FLNB: variants seen among roughly 807,000 people sequenced by gnomAD.
FLNB encodes the protein filamin B, also known as filamin-B.
A neutral mutation model predicts 250.6 loss-of-function variants in FLNB; 111 were observed. The ratio of observed to expected loss-of-function variants is 0.44; its 90% CI spans 0.38 to 0.52. The LOEUF is 0.52. Ranked by LOEUF, FLNB falls within the 20% of genes least tolerant of loss-of-function variation. The pLI is 0.00. For missense variants in FLNB, 2,869 were observed against 3,447.8 expected (o/e 0.83, Z 4.20); for synonymous variants, 1,302 against 1,372.1 (o/e 0.95, Z 1.13).
chr3:58,010,395 G>C (rs1418892977), intron 1 of FLNB, among the ~76,000 whole-genome samples: 1 of 152,152 alleles, frequency 6.6e-6, no homozygotes, highest in Non-Finnish European at 1.5e-5. Flanking sequence ...AGGTAAGGCT[G>C]CTTCCTGCTT....
At chr3:58,131,899 C>G (rs1256789841) in intron 25 of FLNB, 1 of 1,469,236 alleles carries the variant, frequency 6.8e-7, no homozygotes, top group Non-Finnish European at 9.2e-7. Context: ...TTATGAAGGA[C>G]TCTCAAGTAA....
At chr3:58,089,181 C>G (rs1451966209) in intron 4 of FLNB, among the ~76,000 whole-genome samples, 4 of 151,910 alleles carry the variant, frequency 2.6e-5, no homozygotes, top group Non-Finnish European at 5.9e-5. Context: ...ACAGTTGATG[C>G]CAACACTGAG....
chr3:58,170,933 A>T lies in FLNB; in HGVS notation c.*171A>T, dbSNP rs998445770. Reference sequence around the variant, plus strand: ...AAGTCCTAGACTGGACTCTTGAGGGACATATTGGAGAATCTTAAGAAATGC... The same window carrying T: ...AAGTCCTAGACTGGACTCTTGAGGGTCATATTGGAGAATCTTAAGAAATGC... On this transcript the variant is annotated 3_prime_UTR_variant, in exon 46 of 46. Transcript: ENST00000295956. The T allele has an allele frequency of 1.1e-5, 7 of 637,952 alleles. No individual in the cohort carries two copies. The African/African-American group carries it at 1.3e-4, about 12-fold the overall frequency. The allele number at this position is 637,952 out of a possible 1,614,324, so 39.5% of individuals were successfully genotyped here. A position where few individuals can be genotyped will look rare whatever the true frequency, so the allele number is the denominator to read the frequency against.
At chr3:58,028,492 C>T (rs2097126455) in intron 1 of FLNB, among the ~76,000 whole-genome samples, 1 of 151,722 alleles carries the variant, frequency 6.6e-6, no homozygotes, top group Non-Finnish European at 1.5e-5. Flanking sequence ...TGCAGTGGCT[C>T]ATGCCTGTAA....
At chr3:58,145,724 A>C (rs530703616) in intron 32 of FLNB, among the ~76,000 whole-genome samples, 197 bp from the exon 33 acceptor site, 1 of 152,268 alleles carries the variant, frequency 6.6e-6, no homozygotes, top group Admixed American at 6.5e-5. Flanking sequence ...TTGAAGGAAT[A>C]ATACTGCGTA....
intron 25 of FLNB, chr3:58,132,497 T>C (rs1358357285): frequency 2.1e-6 from 1 of 471,820 alleles, no homozygotes; most frequent in Non-Finnish European, 3.9e-6. Context: ...TATTGTGTCT[T>C]CAACACACAT....
chr3:58,155,947 C>A lies in FLNB; in HGVS notation c.6773-13C>A, dbSNP rs200653965. ...AGAGTCTCTGAAATGATGGGACTTT[C>A]CTGTCCTCATAGGTAACTACGAGGT... On this transcript the variant is annotated splice_polypyrimidine_tract_variant and intron_variant, in intron 40 of 45. Transcript: ENST00000295956. 437 of 1,576,852 alleles carry A rather than the reference C, an allele frequency of 2.8e-4. 1 individual carries two copies. The African/African-American group carries it at 5.5e-3, about 20-fold the overall frequency.
intron 24 of FLNB, among the ~76,000 whole-genome samples, chr3:58,129,812 G>A (rs2097303730): frequency 6.6e-6 from 1 of 152,230 alleles, no homozygotes; most frequent in Admixed American, 6.5e-5. Context: ...GCCCCTTGGT[G>A]ATGGGCGTGG....
intron 1 of FLNB, among the ~76,000 whole-genome samples, chr3:58,018,315 T>C (rs973256717): frequency 6.7e-6 from 1 of 150,304 alleles, no homozygotes; most frequent in Non-Finnish European, 1.5e-5. Flanking sequence ...CTTTGAGCTA[T>C]GTATTCATTG....
intron 1 of FLNB, among the ~76,000 whole-genome samples, chr3:58,047,932 C>T (rs1156920360): frequency 1.3e-5 from 2 of 152,140 alleles, no homozygotes; most frequent in African/African-American, 2.4e-5. Context: ...CCCCCACATA[C>T]TCCAACAAGC....
chr3:58,077,426 C>T (rs935446925), intron 2 of FLNB, 132 bp downstream of exon 2: 2 of 1,194,446 alleles, frequency 1.7e-6, no homozygotes, highest in Non-Finnish European at 1.2e-6. Flanking sequence ...CCATTATAAG[C>T]CCATTATAAG....
chr3:58,067,830 C>T (rs1559670323), intron 1 of FLNB, among the ~76,000 whole-genome samples: 1 of 152,196 alleles, frequency 6.6e-6, no homozygotes, highest in Non-Finnish European at 1.5e-5. Context: ...CCACCTCCGC[C>T]TCCCAAAGTG....
chr3:58,146,444 A>G (rs895606890), intron 33 of FLNB, among the ~76,000 whole-genome samples: 4 of 152,166 alleles, frequency 2.6e-5, no homozygotes, highest in African/African-American at 4.8e-5. Flanking sequence ...TGTGGTTCTA[A>G]TGGGATTTCC....
Position 58,142,436 on chromosome 3 carries a change from A to T in FLNB, c.5182-214A>T, listed in dbSNP as rs1452863792. Among the ~76,000 whole-genome samples, 1 of 152,178 alleles carries T rather than the reference A, an allele frequency of 6.6e-6. No homozygotes were observed. The highest frequency in any genetic ancestry group is 1.9e-4 in the East Asian group (1 of 5,198). On this transcript the variant is annotated intron_variant, in intron 30 of 45. Transcript: ENST00000295956. This position sits in a 1 kb window ranked among gnomAD's most constrained non-coding sequence, Gnocchi z 4.3. ...AATTTTACAAACAGACTCCCGAGTGATTGCTAACAGTTGGTCAGCATGACC... is the reference window on the plus strand; with the variant it reads ...AATTTTACAAACAGACTCCCGAGTGTTTGCTAACAGTTGGTCAGCATGACC...
intron 42 of FLNB, among the ~76,000 whole-genome samples, chr3:58,160,567 C>T (rs372665338): frequency 3.3e-5 from 5 of 152,152 alleles, no homozygotes; most frequent in Non-Finnish European, 5.9e-5. Context: ...GTTTCTGCCT[C>T]GGTGAGTTCA....
Position 58,169,583 on chromosome 3 carries a change from A to T in FLNB, c.7418-7A>T, listed in dbSNP as rs758636344. ...TCATGCCTGTCCCCCTCCCTCCTGTATCTTAGGCCAGCGTCTAGTTAGCCC... is the reference window on the plus strand; with the variant it reads ...TCATGCCTGTCCCCCTCCCTCCTGTTTCTTAGGCCAGCGTCTAGTTAGCCC... On this transcript the variant is annotated splice_polypyrimidine_tract_variant and splice_region_variant and intron_variant, in intron 44 of 45. Coordinates refer to ENST00000295956, the MANE Select transcript of FLNB (RefSeq NM_001457.4). The surrounding 1 kb of genome is among the most constrained non-coding windows in gnomAD (Gnocchi z 4.8). The T allele has an allele frequency of 6.2e-7, 1 of 1,612,936 alleles. No homozygotes were observed. Among genetic ancestry groups the T allele is most frequent in the Admixed American group, 1.7e-5 (1 of 60,004 alleles).
Position 58,088,948 on chromosome 3 carries a change from C to G in FLNB, c.788-5888C>G, listed in dbSNP as rs1478345208. 5.3e-5 allele frequency among the ~76,000 whole-genome samples: 8 copies of G among 152,094 alleles called. No individual in the cohort carries two copies. The East Asian group carries it at 1.3e-3, about 26-fold the overall frequency. ...GAGCCCCCCAATCTTGAGCATCAGT[C>G]GAGGTTGAATGGAGAGCCTAGACTT... is the stretch of plus-strand genomic sequence containing the variant. On this transcript the variant is annotated intron_variant, in intron 4 of 45. Transcript: ENST00000295956.
At chr3:58,047,346 C>T (rs1183327872) in intron 1 of FLNB, among the ~76,000 whole-genome samples, 1 of 152,064 alleles carries the variant, frequency 6.6e-6, no homozygotes, top group Non-Finnish European at 1.5e-5. Context: ...CTTCCCACTC[C>T]CAAATTTATT....
At chr3:58,044,930 C>G (rs1008785690) in intron 1 of FLNB, among the ~76,000 whole-genome samples, 5 of 152,188 alleles carry the variant, frequency 3.3e-5, no homozygotes, top group Non-Finnish European at 5.9e-5. Flanking sequence ...TGTGCTACAG[C>G]CAAGGATTTC....
Sources: gnomAD v4.1 joint callset for allele counts (sites outside exome capture counted in the v4.1 genomes callset) on GRCh38, gnomAD v4.1.1 for gene constraint, Gnocchi (gnomAD v3.1) non-coding constraint, MANE v1.5 for transcripts, NCBI Gene and HGNC (gene_info 2026-07-23, HGNC 2026-07-21) for gene names.